Variants in LRRIQ3 observed in about 807,000 individuals in gnomAD.
The protein encoded by LRRIQ3 is leucine-rich repeat and IQ domain-containing protein 3.
In LRRIQ3, 75 loss-of-function variants were observed where a neutral mutation model predicts 59.3. That is an observed-to-expected ratio of 1.26 (90% CI 1.05 to 1.53). The LOEUF is 1.53. LRRIQ3 is among the 40% of genes most tolerant of loss of function. LRRIQ3 has a pLI of 0.00. For missense variants in LRRIQ3, 831 were observed against 710.0 expected (o/e 1.17, Z -1.94); for synonymous variants, 250 against 231.3 (o/e 1.08, Z -0.73).
intron 4 of LRRIQ3, among the ~76,000 whole-genome samples, chr1:74,141,360 A>G (rs112344885): frequency 6.6e-6 from 1 of 151,862 alleles, no homozygotes; most frequent in Admixed American, 6.6e-5. Flanking sequence ...ATAAGCATGG[A>G]TAGATGGCAA....
intron 6 of LRRIQ3, among the ~76,000 whole-genome samples, chr1:74,070,441 C>T (rs893863143): frequency 6.6e-6 from 1 of 151,620 alleles, no homozygotes; most frequent in Non-Finnish European, 1.5e-5. Context: ...CATATGGATA[C>T]AAAGAAGGGA....
At chr1:74,137,875 T>C (rs1301441290) in intron 4 of LRRIQ3, among the ~76,000 whole-genome samples, 1 of 151,402 alleles carries the variant, frequency 6.6e-6, no homozygotes, top group Non-Finnish European at 1.5e-5. Flanking sequence ...TTCTCACTCA[T>C]ATGTTGGAGT....
At chr1:74,104,987 G>T (rs1646588849) in intron 5 of LRRIQ3, among the ~76,000 whole-genome samples, 1 of 151,836 alleles carries the variant, frequency 6.6e-6, no homozygotes, top group Admixed American at 6.6e-5. Context: ...AAAAAGAAGA[G>T]AACTGATGAT....
At chr1:74,154,880 A>G (rs1267971752) in intron 4 of LRRIQ3, among the ~76,000 whole-genome samples, 1 of 152,174 alleles carries the variant, frequency 6.6e-6, no homozygotes, top group Non-Finnish European at 1.5e-5. Flanking sequence ...CAGAAGTCGG[A>G]GGCACTGTAT....
In LRRIQ3 at chr1:74,041,911, A is replaced by G. The variant is rs373643341; in HGVS notation, c.1020T>C (p.Ile340=). 12 of 1,605,208 alleles carry G rather than the reference A, an allele frequency of 7.5e-6. No homozygotes were observed. The African/African-American group carries it at 1.6e-4, about 21-fold the overall frequency. Residue 340 remains isoleucine (I), a synonymous_variant, in exon 7 of 8, where the codon ATT becomes ATC. Transcript: ENST00000354431. Reference sequence around the variant, plus strand: ...AACTGGTATCCAATTTTTCATCCACAATTTCATCTTCAGACTCCTGACCTA... The same window carrying G: ...AACTGGTATCCAATTTTTCATCCACGATTTCATCTTCAGACTCCTGACCTA... The part of the protein sequence containing the change: ...IQKGQESEDE[I]VDEKLDTSFR...
chr1:74,062,677 C>T (rs1654754382), intron 6 of LRRIQ3, among the ~76,000 whole-genome samples: 1 of 152,062 alleles, frequency 6.6e-6, no homozygotes, highest in Admixed American at 6.6e-5. Context: ...GAGATCATGT[C>T]CTTTGTAGTA....
intron 7 of LRRIQ3, among the ~76,000 whole-genome samples, chr1:74,038,549 G>T (rs941610107): frequency 6.6e-6 from 1 of 152,234 alleles, no homozygotes; most frequent in Non-Finnish European, 1.5e-5. Context: ...CCCTATACAT[G>T]AGCATTCCTA....
At chr1:74,060,168 GTCA>G (rs1326675581) in intron 6 of LRRIQ3, among the ~76,000 whole-genome samples, 4 of 150,282 alleles carry the variant, frequency 2.7e-5, no homozygotes, top group Non-Finnish European at 5.9e-5. Context: ...CTTCTTCGTC[GTCA>G]TCTTCTTCTT....
intron 6 of LRRIQ3, among the ~76,000 whole-genome samples, chr1:74,055,808 T>C (rs1570039639): frequency 3.3e-5 from 5 of 152,280 alleles, no homozygotes; most frequent in Admixed American, 2.0e-4. Flanking sequence ...CTGTATCAGA[T>C]GCAGGAAAAG....
intron 1 of LRRIQ3, among the ~76,000 whole-genome samples, chr1:74,188,719 G>A (rs947009120): frequency 4.6e-5 from 7 of 152,080 alleles, no homozygotes; most frequent in Non-Finnish European, 2.9e-5. Flanking sequence ...AACTAGAACT[G>A]AGTCAGGTTT....
intron 4 of LRRIQ3, among the ~76,000 whole-genome samples, chr1:74,127,685 AGTT>A (rs1243056985): frequency 1.3e-5 from 2 of 151,844 alleles, no homozygotes; most frequent in African/African-American, 4.8e-5. Context: ...TGTCTTGAAA[AGTT>A]GTTGTAGTTA....
intron 6 of LRRIQ3, among the ~76,000 whole-genome samples, chr1:74,068,058 C>T (rs1208595083): frequency 1.3e-5 from 2 of 152,020 alleles, no homozygotes; most frequent in Non-Finnish European, 2.9e-5. Context: ...ACATAGTTTG[C>T]CTTCCAAGTT....
chr1:74,182,578 T>C lies in LRRIQ3; in HGVS notation c.533A>G (p.Asn178Ser), dbSNP rs1650047792. 1.9e-6 allele frequency: 3 copies of C among 1,599,200 alleles called. No homozygotes were observed. The highest frequency in any genetic ancestry group is 1.3e-5 in the African/African-American group (1 of 74,634). The change falls in exon 3 of 8, where the codon AAC becomes AGC. Residue 178 changes from asparagine (N) to serine (S), a missense_variant. Transcript: ENST00000354431. ...WHLPERFKAC[N>S]HRLFFNFCPA... is the part of the protein sequence containing the mutation. Reference sequence around the variant, plus strand: ...GCAGAAATTAAAGAAAAGTCGATGGTTACATGCTTTGAATCTTTCAGGAAG... The same window carrying C: ...GCAGAAATTAAAGAAAAGTCGATGGCTACATGCTTTGAATCTTTCAGGAAG...
intron 1 of LRRIQ3, among the ~76,000 whole-genome samples, chr1:74,191,295 AAAG>A (rs1228390557): frequency 6.6e-6 from 1 of 152,160 alleles, no homozygotes; most frequent in African/African-American, 2.4e-5. Flanking sequence ...AGAAATGTTA[AAAG>A]AAGTTCTGAG....
At chr1:74,071,122 G>T (rs1239638779) in intron 6 of LRRIQ3, among the ~76,000 whole-genome samples, 1 of 151,238 alleles carries the variant, frequency 6.6e-6, no homozygotes, top group African/African-American at 2.4e-5. Context: ...TAAATTGTTT[G>T]TATGTATATA....
rs184035376 is a variant in LRRIQ3, at chr1:74,173,212, G to A, written c.573+9326C>T. On this transcript the variant is annotated intron_variant, in intron 3 of 7. Transcript: ENST00000354431. ...CTTGGGAGGCTGAGGCAGGAGAATG[G>A]CATGAACCCAGGAGGTGGAGCTTGC... Among the ~76,000 whole-genome samples the A allele has an allele frequency of 4.7e-5, 7 of 148,442 alleles. No individual in the cohort carries two copies. The East Asian group carries it at 1.4e-3, about 30-fold the overall frequency.
chr1:74,146,461 T>G (rs1039754635), intron 4 of LRRIQ3, among the ~76,000 whole-genome samples: 1 of 152,110 alleles, frequency 6.6e-6, no homozygotes, highest in African/African-American at 2.4e-5. Context: ...TAACTTATGG[T>G]AGGCACTCAA....
chr1:74,088,220 T>C (rs1646351822), intron 5 of LRRIQ3, among the ~76,000 whole-genome samples: 1 of 152,130 alleles, frequency 6.6e-6, no homozygotes, highest in Admixed American at 6.6e-5. Flanking sequence ...GTCTAAAAAT[T>C]ACAAACATTT....
chr1:74,051,494 A>G (rs1654368084), intron 6 of LRRIQ3, among the ~76,000 whole-genome samples: 2 of 152,186 alleles, frequency 1.3e-5, no homozygotes. Context: ...TTAATATTCC[A>G]TATTAGTGGT....
Sources: allele counts gnomAD v4.1 joint callset (sites outside exome capture counted in the v4.1 genomes callset), GRCh38; gene constraint gnomAD v4.1.1; transcripts MANE v1.5; gene names NCBI Gene and HGNC (gene_info 2026-07-23, HGNC 2026-07-21).